Variants in NLGN1 observed in about 807,000 individuals in gnomAD.
The protein encoded by NLGN1 is neuroligin-1.
Under a neutral mutation model 65.5 loss-of-function variants are expected in NLGN1, and 12 were observed. The ratio of observed to expected loss-of-function variants is 0.18; its 90% CI spans 0.12 to 0.30. The LOEUF (loss-of-function observed/expected upper bound fraction) is 0.30. Among genes scored for constraint, NLGN1 ranks in the 10% least tolerant of loss-of-function variants. The pLI is 1.00. For synonymous variants in NLGN1, 350 were observed against 359.5 expected, an observed-to-expected ratio of 0.97 and a Z score of 0.30; for missense variants, 750 against 1,007.1, an observed-to-expected ratio of 0.74 and a Z score of 3.46.
chr3:173,737,234 GAA>G (rs11362529), intron 3 of NLGN1, among the ~76,000 whole-genome samples: 67 of 149,646 alleles, frequency 4.5e-4, no homozygotes, highest in South Asian at 6.3e-4. Context: ...TCCTCACTAA[GAA>G]AAAAAAAAAA....
chr3:174,154,044 C>T (rs1464952462), intron 4 of NLGN1, among the ~76,000 whole-genome samples: 1 of 152,010 alleles, frequency 6.6e-6, no homozygotes. Context: ...GATTCACTTC[C>T]ATATGTGGTT....
downstream of NLGN1, among the ~76,000 whole-genome samples, chr3:174,287,876 T>C (rs760962910): frequency 6.6e-6 from 1 of 151,508 alleles, no homozygotes; most frequent in Non-Finnish European, 1.5e-5. Context: ...GCCTTGGGAA[T>C]TGGCTTCCTC....
intron 4 of NLGN1, among the ~76,000 whole-genome samples, chr3:174,181,578 C>G (rs906469655): frequency 3.9e-5 from 6 of 152,046 alleles, no homozygotes; most frequent in East Asian, 1.9e-4. Context: ...GCAGAAGACC[C>G]TGATTCAATT....
intron 2 of NLGN1, among the ~76,000 whole-genome samples, chr3:173,437,072 A>G (rs1718273109): frequency 1.3e-5 from 2 of 152,370 alleles, no homozygotes; most frequent in African/African-American, 4.8e-5. Flanking sequence ...ATTAGCAATA[A>G]GAAGCACTAC....
At chr3:173,560,474 A>G (rs1165067863) in intron 2 of NLGN1, among the ~76,000 whole-genome samples, 2 of 152,038 alleles carry the variant, frequency 1.3e-5, no homozygotes, top group Admixed American at 6.5e-5. Context: ...CTAATTTCTT[A>G]TTTACTCCGG....
intron 4 of NLGN1, among the ~76,000 whole-genome samples, chr3:174,161,629 A>G (rs1476068997): frequency 6.6e-6 from 1 of 151,866 alleles, no homozygotes; most frequent in Non-Finnish European, 1.5e-5. Context: ...AACAATGTAT[A>G]GGAAAAGAAG....
chr3:173,763,538 C>G (rs1256192855), intron 3 of NLGN1, among the ~76,000 whole-genome samples: 1 of 151,992 alleles, frequency 6.6e-6, no homozygotes, highest in Admixed American at 6.6e-5. Flanking sequence ...ATTTCTCATT[C>G]ATTTTTAATG....
At chr3:174,264,996 G>T (rs1358930106) in intron 4 of NLGN1, among the ~76,000 whole-genome samples, 2 of 152,156 alleles carry the variant, frequency 1.3e-5, no homozygotes, top group Non-Finnish European at 2.9e-5. Flanking sequence ...AGGCTGCTCG[G>T]GGGTCAGGGG....
chr3:174,127,536 C>G (rs1325179651), intron 4 of NLGN1, among the ~76,000 whole-genome samples: 3 of 152,204 alleles, frequency 2.0e-5, no homozygotes, highest in East Asian at 3.9e-4. Flanking sequence ...TCCTGCCAAA[C>G]TCGTCTCTTC....
intron 2 of NLGN1, among the ~76,000 whole-genome samples, chr3:173,458,308 C>T (rs764507189): frequency 2.6e-5 from 4 of 151,868 alleles, no homozygotes; most frequent in Non-Finnish European, 5.9e-5. Flanking sequence ...GAAGGTCAGA[C>T]GTCAGAATAA....
At chr3:173,545,038 TTG>T (rs773040010) in intron 2 of NLGN1, among the ~76,000 whole-genome samples, 5 of 150,350 alleles carry the variant, frequency 3.3e-5, no homozygotes, top group Admixed American at 2.0e-4. Context: ...CTGCAAAGTT[TTG>T]TGTGTGTGTG....
chr3:174,176,995 T>C (rs1223196734), intron 4 of NLGN1, among the ~76,000 whole-genome samples: 1 of 152,050 alleles, frequency 6.6e-6, no homozygotes, highest in Non-Finnish European at 1.5e-5. Context: ...CAGCGTAGCA[T>C]AGGAGATGTT....
chr3:173,818,818 A>G (rs1719557299), intron 4 of NLGN1, among the ~76,000 whole-genome samples: 1 of 149,442 alleles, frequency 6.7e-6, no homozygotes, highest in Non-Finnish European at 1.5e-5. Flanking sequence ...AGCCAGGGTC[A>G]GTTTTTTCTC....
intron 2 of NLGN1, among the ~76,000 whole-genome samples, chr3:173,559,835 A>T (rs1477584267): frequency 6.6e-6 from 1 of 152,172 alleles, no homozygotes; most frequent in East Asian, 1.9e-4. Context: ...TTAAAATTGC[A>T]TATAAACGAT....
intron 4 of NLGN1, among the ~76,000 whole-genome samples, chr3:173,885,327 G>C (rs1734133188): frequency 6.6e-6 from 1 of 151,966 alleles, no homozygotes; most frequent in Admixed American, 6.6e-5. Context: ...TATCTGCCTA[G>C]TTCATTTGAA....
chr3:173,446,047 CTTTTCTTTTTTTCTTTTTTT>C (rs1252560783), intron 2 of NLGN1, among the ~76,000 whole-genome samples: 1 of 151,008 alleles, frequency 6.6e-6, no homozygotes, highest in Non-Finnish European at 1.5e-5. Flanking sequence ...CTTCTTTTTT[CTTTTCTTTTTTTCTTTTTTT>C]TTTTACTATT....
intron 4 of NLGN1, among the ~76,000 whole-genome samples, chr3:174,242,563 A>T (rs923672202): frequency 6.6e-6 from 1 of 152,028 alleles, no homozygotes; most frequent in African/African-American, 2.4e-5. Context: ...GAACCCAATT[A>T]TGAAGTGTGC....
intron 4 of NLGN1, among the ~76,000 whole-genome samples, chr3:174,192,904 A>G (rs1397953706): frequency 6.6e-6 from 1 of 151,972 alleles, no homozygotes; most frequent in African/African-American, 2.4e-5. Flanking sequence ...GGCCTTTGCT[A>G]TTACTAAACT....
chr3:174,289,331 A>G (rs1752468043), downstream of NLGN1, among the ~76,000 whole-genome samples: 2 of 151,402 alleles, frequency 1.3e-5, no homozygotes, highest in Non-Finnish European at 3.0e-5. Context: ...TCTATTATAT[A>G]TGAGTTACTG....
Sources: gnomAD v4.1 joint callset for allele counts (sites outside exome capture counted in the v4.1 genomes callset) on GRCh38, gnomAD v4.1.1 for gene constraint, MANE v1.5 for transcripts, NCBI Gene and HGNC (gene_info 2026-07-23, HGNC 2026-07-21) for gene names.